BMPR1B: variants seen among roughly 807,000 people sequenced by gnomAD.
BMPR1B encodes the protein bone morphogenetic protein receptor type 1B.
In BMPR1B, 12 loss-of-function variants were observed where a neutral mutation model predicts 59.1. The observed-to-expected ratio is 0.20, with a 90% CI of 0.13 to 0.33. The LOEUF (loss-of-function observed/expected upper bound fraction) is 0.33, where lower values mean the gene tolerates loss of function less well. Among genes scored for constraint, BMPR1B ranks in the 10% least tolerant of loss-of-function variants. The pLI is 1.00. For missense variants in BMPR1B, 550 were observed against 610.9 expected (o/e 0.90, Z 1.05); for synonymous variants, 237 against 207.3 (o/e 1.14, Z -1.23).
chr4:95,129,771 A>AT, intron 8 of BMPR1B, 91 bp from the exon 9 acceptor site: 1 of 1,236,486 alleles, frequency 8.1e-7, no homozygotes, highest in Non-Finnish European at 1.2e-6. Context: ...TATATTTTAC[A>AT]TGCAGTAATC....
intron 3 of BMPR1B, among the ~76,000 whole-genome samples, chr4:95,050,816 T>C (rs1404976200): frequency 6.6e-6 from 1 of 152,216 alleles, no homozygotes; most frequent in Non-Finnish European, 1.5e-5. Context: ...TTTATCTTTC[T>C]TGGTGTTCTT....
intron 3 of BMPR1B, among the ~76,000 whole-genome samples, chr4:95,095,113 A>G (rs1316101780): frequency 2.0e-5 from 3 of 151,964 alleles, no homozygotes; most frequent in African/African-American, 7.2e-5. Context: ...ACTTTAGTAT[A>G]AGGAAAAATG....
At chr4:95,064,614 T>C (rs550238138) in intron 3 of BMPR1B, among the ~76,000 whole-genome samples, 1 of 152,282 alleles carries the variant, frequency 6.6e-6, no homozygotes, top group East Asian at 1.9e-4. Context: ...AATGGAAGAA[T>C]ATATTTGCAA....
intron 3 of BMPR1B, among the ~76,000 whole-genome samples, chr4:95,050,136 C>A (rs1157264850): frequency 1.3e-5 from 2 of 152,140 alleles, no homozygotes; most frequent in African/African-American, 2.4e-5. Flanking sequence ...AAAGCAGATT[C>A]TATTGCTTGA....
Position 94,961,322 on chromosome 4 carries a change from T to C in BMPR1B, c.-112-34718T>C, listed in dbSNP as rs1730345098. Among the ~76,000 whole-genome samples the C allele has an allele frequency of 2.0e-5, 3 of 152,166 alleles. No individual in the cohort carries two copies. The South Asian group carries it at 6.2e-4, about 31-fold the overall frequency. ...TTGTCTAGGACAATGGCCGTTTTTC[T>C]GCTACAGTGAAGAGTTGAGTAGCTT... is the stretch of plus-strand genomic sequence containing the variant. On this transcript the variant is annotated intron_variant, in intron 2 of 12. Coordinates refer to ENST00000515059, the MANE Select transcript of BMPR1B (RefSeq NM_001203.3).
chr4:94,900,837 T>A (rs1024640761), intron 2 of BMPR1B, among the ~76,000 whole-genome samples: 6 of 152,058 alleles, frequency 3.9e-5, no homozygotes, highest in African/African-American at 9.7e-5. Context: ...TCCTCACCCA[T>A]ATCTCTGGAA....
chr4:95,120,486 T>C (rs894504353), intron 6 of BMPR1B, among the ~76,000 whole-genome samples: 10 of 152,150 alleles, frequency 6.6e-5, no homozygotes, highest in African/African-American at 1.4e-4. Context: ...TCTTCACTGA[T>C]GGTATGATCG....
chr4:94,852,256 C>T (rs1017886383), intron 1 of BMPR1B, among the ~76,000 whole-genome samples: 16 of 152,078 alleles, frequency 1.1e-4, no homozygotes, highest in Non-Finnish European at 2.1e-4. Flanking sequence ...AGGCCATATC[C>T]ATTAAACAAC....
At chr4:94,984,671 A>C (rs3775034) in intron 2 of BMPR1B, among the ~76,000 whole-genome samples, 145,185 of 152,186 alleles carry the variant, frequency 0.95, 69,288 homozygotes, top group Middle Eastern at 0.99. Flanking sequence ...GTAATTAAAC[A>C]GAGAAAGAAA....
At chr4:94,880,387 C>T (rs992307351) in intron 2 of BMPR1B, among the ~76,000 whole-genome samples, 2 of 152,130 alleles carry the variant, frequency 1.3e-5, no homozygotes, top group South Asian at 2.1e-4. Flanking sequence ...TACAATGGCA[C>T]GATCATAGCT....
At chr4:94,826,691 T>C (rs535438366) in intron 1 of BMPR1B, among the ~76,000 whole-genome samples, 4 of 152,190 alleles carry the variant, frequency 2.6e-5, no homozygotes, top group Non-Finnish European at 4.4e-5. Context: ...ATTGCTACCC[T>C]GCTAAAGTCC....
chr4:94,775,550 A>C (rs1345050070), intron 1 of BMPR1B, among the ~76,000 whole-genome samples: 1 of 152,180 alleles, frequency 6.6e-6, no homozygotes, highest in East Asian at 1.9e-4. Flanking sequence ...TAAGAGGATA[A>C]ATTTTATGTT....
chr4:94,865,434 G>A (rs1481989013), intron 1 of BMPR1B, among the ~76,000 whole-genome samples: 6 of 147,456 alleles, frequency 4.1e-5, no homozygotes, highest in Admixed American at 1.4e-4. Context: ...TCTGTCACCC[G>A]GGCTGGAGTA....
chr4:95,105,900 A>G (rs1241130671), intron 4 of BMPR1B, among the ~76,000 whole-genome samples: 2 of 151,764 alleles, frequency 1.3e-5, no homozygotes, highest in Non-Finnish European at 2.9e-5. Flanking sequence ...AGCGTGGGGT[A>G]TTTTACTATT....
chr4:94,992,735 C>T (rs1043449858), intron 2 of BMPR1B, among the ~76,000 whole-genome samples: 2 of 152,172 alleles, frequency 1.3e-5, no homozygotes, highest in Non-Finnish European at 2.9e-5. Context: ...TATCATTCAT[C>T]TGCAATTACA....
intron 6 of BMPR1B, among the ~76,000 whole-genome samples, chr4:95,117,378 T>C (rs1295308583): frequency 6.6e-6 from 1 of 152,162 alleles, no homozygotes; most frequent in African/African-American, 2.4e-5. Context: ...GCAGTGACTC[T>C]AAACAGATGC....
rs146671486 is a variant in BMPR1B at position 95,146,025 on chromosome 4, A to T, written c.1077-2723A>T. On this transcript the variant is annotated intron_variant, in intron 10 of 12. Transcript: ENST00000515059. ...ATTATTTTCCTGTCATGTGCAAGAC[A>T]CACTGCGAATGGAGAAGGATTGGGG... Among the ~76,000 whole-genome samples the T allele has an allele frequency of 3.3e-3, 505 of 152,350 alleles. 3 individuals carry two copies. The highest frequency in any genetic ancestry group is 0.011 in the African/African-American group (466 of 41,586).
chr4:94,866,281 A>G (rs1408850400), intron 1 of BMPR1B, among the ~76,000 whole-genome samples: 1 of 152,174 alleles, frequency 6.6e-6, no homozygotes, highest in Non-Finnish European at 1.5e-5. Context: ...GTCATCGGAG[A>G]CATGCACCAG....
At chr4:95,049,426 T>G (rs993657334) in intron 3 of BMPR1B, among the ~76,000 whole-genome samples, 3 of 3,992 alleles carry the variant, frequency 7.5e-4, no homozygotes, top group East Asian at 2.5e-3. Context: ...AAAGTTTTTT[T>G]TTTTTTTTTT....
Sources: gnomAD v4.1 joint callset for allele counts (sites outside exome capture counted in the v4.1 genomes callset) on GRCh38, gnomAD v4.1.1 for gene constraint, MANE v1.5 for transcripts, NCBI Gene and HGNC (gene_info 2026-07-23, HGNC 2026-07-21) for gene names.